SNX30: variants seen among roughly 807,000 people sequenced by gnomAD.
SNX30 encodes sorting nexin-30.
A neutral mutation model predicts 46.4 loss-of-function variants in SNX30; 24 were observed. That is an observed-to-expected ratio of 0.52 (90% CI 0.37 to 0.73). The LOEUF (loss-of-function observed/expected upper bound fraction) is 0.73. Ranked by LOEUF, SNX30 falls within the 30% of genes least tolerant of loss-of-function variation. SNX30 has a pLI of 0.00. For missense variants in SNX30, 533 were observed against 555.7 expected (o/e 0.96, Z 0.41); for synonymous variants, 189 against 211.5 (o/e 0.89, Z 0.92).
At chr9:112,796,428 G>T (rs10817385) in intron 1 of SNX30, among the ~76,000 whole-genome samples, 1 of 152,118 alleles carries the variant, frequency 6.6e-6, no homozygotes, top group African/African-American at 2.4e-5. Context: ...GGGTGTGGAC[G>T]CCGTGTGTCC....
At chr9:112,865,661 A>ATGTGTGTGTGTGTGTGTG (rs1277699270) in intron 8 of SNX30, among the ~76,000 whole-genome samples, 1 of 105,686 alleles carries the variant, frequency 9.5e-6, no homozygotes. Context: ...ATATATATAT[A>ATGTGTGTGTGTGTGTGTG]TGTATGTATG....
intron 1 of SNX30, among the ~76,000 whole-genome samples, chr9:112,777,609 T>TC (rs1222685501): frequency 7.7e-6 from 1 of 129,992 alleles, no homozygotes; most frequent in Non-Finnish European, 1.6e-5. Flanking sequence ...AATTTTTTTT[T>TC]TTTTTTTTTT....
intron 1 of SNX30, among the ~76,000 whole-genome samples, chr9:112,773,913 A>G (rs1321376662): frequency 3.3e-5 from 5 of 152,244 alleles, no homozygotes; most frequent in East Asian, 1.9e-4. Context: ...TTTTGTTTCA[A>G]TAAGTAAATT....
At chr9:112,876,102 C>A (rs549443848), downstream of SNX30, among the ~76,000 whole-genome samples, 1 of 151,756 alleles carries the variant, frequency 6.6e-6, no homozygotes, top group Admixed American at 6.6e-5. Flanking sequence ...TTCTTTTTAA[C>A]AAGGTGATGG....
intron 1 of SNX30, among the ~76,000 whole-genome samples, chr9:112,759,727 C>A (rs1839408171): frequency 7.3e-6 from 1 of 137,508 alleles, no homozygotes; most frequent in Non-Finnish European, 1.6e-5. Flanking sequence ...GACTCCATCT[C>A]AAAAAAAAAA....
chr9:112,818,613 G>A (rs1045377172), intron 3 of SNX30, among the ~76,000 whole-genome samples: 2 of 152,188 alleles, frequency 1.3e-5, no homozygotes, highest in Non-Finnish European at 2.9e-5. Context: ...GTTTCTTTGG[G>A]CCTTGGGGGC....
intron 8 of SNX30, among the ~76,000 whole-genome samples, chr9:112,865,714 CAT>C (rs1405170573): frequency 2.8e-5 from 4 of 140,638 alleles, no homozygotes; most frequent in Non-Finnish European, 4.6e-5. Context: ...TATATACACA[CAT>C]ATACATACAT....
chr9:112,808,931 T>C (rs1048734130), intron 2 of SNX30, among the ~76,000 whole-genome samples: 1 of 152,242 alleles, frequency 6.6e-6, no homozygotes, highest in African/African-American at 2.4e-5. Flanking sequence ...ATATAAATAC[T>C]ATTATCTTAC....
At chr9:112,877,991 T>C (rs928142999), downstream of SNX30, 7 of 152,354 alleles carry the variant, frequency 4.6e-5, no homozygotes, top group African/African-American at 1.7e-4. Flanking sequence ...GTGCTGGGAT[T>C]ATAGGCCTGA....
chr9:112,812,452 C>T (rs1390617178), intron 2 of SNX30, among the ~76,000 whole-genome samples: 2 of 152,148 alleles, frequency 1.3e-5, no homozygotes, highest in East Asian at 1.9e-4. Context: ...GATGGGGTTT[C>T]ACCATGTTGG....
downstream of SNX30, among the ~76,000 whole-genome samples, chr9:112,884,231 C>T (rs1393318563): frequency 6.6e-6 from 1 of 152,248 alleles, no homozygotes; most frequent in African/African-American, 2.4e-5. Flanking sequence ...TGGGATCTCT[C>T]CTGGCATCGA....
intron 3 of SNX30, among the ~76,000 whole-genome samples, chr9:112,824,109 T>G (rs1473333648): frequency 6.6e-6 from 1 of 152,216 alleles, no homozygotes; most frequent in Non-Finnish European, 1.5e-5. Flanking sequence ...ATTTCAGGAT[T>G]CAGCAATTGA....
downstream of SNX30, among the ~76,000 whole-genome samples, chr9:112,884,753 T>A (rs530537256): frequency 3.3e-4 from 51 of 152,364 alleles, no homozygotes; most frequent in African/African-American, 1.2e-3. Flanking sequence ...ATCTTCCCAT[T>A]GCTTTCATTT....
At chr9:112,875,292 G>T (rs2131528881), downstream of SNX30, 1 of 152,292 alleles carries the variant, frequency 6.6e-6, no homozygotes, top group Non-Finnish European at 1.5e-5. Context: ...GCCAGCTGAG[G>T]TATTTACTAC....
chr9:112,780,102 C>T (rs995429285), intron 1 of SNX30, among the ~76,000 whole-genome samples: 3 of 152,164 alleles, frequency 2.0e-5, no homozygotes, highest in African/African-American at 7.2e-5. Flanking sequence ...GAGGAGGCAC[C>T]TGCTGTTCTT....
At chr9:112,759,329 C>G (rs1839403253) in intron 1 of SNX30, among the ~76,000 whole-genome samples, 1 of 152,118 alleles carries the variant, frequency 6.6e-6, no homozygotes, top group Admixed American at 6.6e-5. Flanking sequence ...TTGCTAAATC[C>G]AGTAGATGCT....
At chr9:112,813,867 A>G (rs1209610865) in intron 2 of SNX30, among the ~76,000 whole-genome samples, 1 of 152,198 alleles carries the variant, frequency 6.6e-6, no homozygotes, top group Non-Finnish European at 1.5e-5. Flanking sequence ...ATAGTTTTTA[A>G]TTATTGAATA....
At chr9:112,761,132 G>A (rs886378902) in intron 1 of SNX30, among the ~76,000 whole-genome samples, 6 of 151,816 alleles carry the variant, frequency 4.0e-5, no homozygotes, top group African/African-American at 9.7e-5. Context: ...TCTTTCAGCA[G>A]TAGCTAGTCC....
intron 7 of SNX30, among the ~76,000 whole-genome samples, chr9:112,858,546 G>A (rs1171755977): frequency 6.6e-6 from 1 of 152,140 alleles, no homozygotes; most frequent in Non-Finnish European, 1.5e-5. Flanking sequence ...TAAAAAGAAT[G>A]CTTAGTGTTA....
Sources: gnomAD v4.1 joint callset for allele counts (sites outside exome capture counted in the v4.1 genomes callset) on GRCh38, gnomAD v4.1.1 for gene constraint, MANE v1.5 for transcripts, NCBI Gene and HGNC (gene_info 2026-07-23, HGNC 2026-07-21) for gene names.